Variants in STK39 observed in about 807,000 individuals in gnomAD.
The protein encoded by STK39 is serine/threonine kinase 39, also known as STE20/SPS1-related proline-alanine-rich protein kinase.
STK39 carries 20 observed loss-of-function variants against 77.8 expected under a neutral mutation model. The observed-to-expected ratio is 0.26, with a 90% CI of 0.18 to 0.37. STK39 has a LOEUF of 0.37. Among genes scored for constraint, STK39 ranks in the 10% least tolerant of loss-of-function variants. The probability of loss-of-function intolerance (pLI) is 1.00; values close to 1 mark genes in which losing one functional copy is unlikely to be tolerated. For synonymous variants in STK39, 246 were observed against 234.1 expected (o/e 1.05, Z -0.47); for missense variants, 479 against 656.5 (o/e 0.73, Z 2.95).
chr2:168,002,608 C>T (rs1195639887), intron 16 of STK39, among the ~76,000 whole-genome samples: 8 of 152,196 alleles, frequency 5.3e-5, no homozygotes, highest in African/African-American at 1.7e-4. Flanking sequence ...ATTCTTTCCT[C>T]CGCTTAATTC....
chr2:168,176,962 G>A (rs967249374), intron 2 of STK39, among the ~76,000 whole-genome samples: 5 of 151,996 alleles, frequency 3.3e-5, no homozygotes, highest in African/African-American at 9.7e-5. Flanking sequence ...ATAGCACTTG[G>A]GTAATAAAAA....
intron 14 of STK39, among the ~76,000 whole-genome samples, chr2:168,030,328 A>T (rs957435542): frequency 6.6e-6 from 1 of 152,192 alleles, no homozygotes; most frequent in Non-Finnish European, 1.5e-5. Flanking sequence ...GATGTGTGTG[A>T]TTAATCAAGT....
intron 15 of STK39, among the ~76,000 whole-genome samples, chr2:168,015,382 G>C (rs956255332): frequency 6.6e-6 from 1 of 152,230 alleles, no homozygotes; most frequent in Non-Finnish European, 1.5e-5. Flanking sequence ...AATACAGACA[G>C]CATCAATAGT....
At chr2:168,011,486 T>A (rs1245271597) in intron 16 of STK39, among the ~76,000 whole-genome samples, 1 of 152,146 alleles carries the variant, frequency 6.6e-6, no homozygotes, top group African/African-American at 2.4e-5. Flanking sequence ...CTAATCTTGA[T>A]TAGTTAGGGT....
At chr2:168,013,993 TG>T (rs1391512787) in intron 15 of STK39, among the ~76,000 whole-genome samples, 1 of 152,002 alleles carries the variant, frequency 6.6e-6, no homozygotes, top group East Asian at 1.9e-4. Flanking sequence ...AAAGATCATT[TG>T]AAACACACCT....
intron 10 of STK39, among the ~76,000 whole-genome samples, chr2:168,119,889 A>G (rs756213025): frequency 1.3e-5 from 2 of 152,212 alleles, no homozygotes; most frequent in Non-Finnish European, 2.9e-5. Flanking sequence ...TATCGACTAA[A>G]AGAAGAAACT....
intron 1 of STK39, among the ~76,000 whole-genome samples, chr2:168,193,156 A>G (rs1203259792): frequency 6.6e-6 from 1 of 152,178 alleles, no homozygotes; most frequent in African/African-American, 2.4e-5. Flanking sequence ...CATTCACTTT[A>G]ATGCCACCTC....
chr2:168,073,910 A>T (rs1399218675), intron 12 of STK39, among the ~76,000 whole-genome samples: 1 of 152,106 alleles, frequency 6.6e-6, no homozygotes, highest in Non-Finnish European at 1.5e-5. Context: ...GAGCCACCGC[A>T]CCTGGCCAAA....
intron 16 of STK39, among the ~76,000 whole-genome samples, chr2:167,988,535 G>C (rs536884748): frequency 2.6e-5 from 4 of 152,030 alleles, no homozygotes; most frequent in Non-Finnish European, 5.9e-5. Flanking sequence ...AGTTAAAGCT[G>C]TAGAAAAGCA....
At chr2:168,203,460 A>G (rs1046518126) in intron 1 of STK39, among the ~76,000 whole-genome samples, 5 of 133,724 alleles carry the variant, frequency 3.7e-5, no homozygotes, top group African/African-American at 1.6e-4. Flanking sequence ...AAGACAAAAG[A>G]AAAAAAAAAC....
At chr2:168,161,882 G>C (rs535312322) in intron 4 of STK39, 40 bp from the exon 5 acceptor site, 2 of 1,477,044 alleles carry the variant, frequency 1.4e-6, no homozygotes, top group South Asian at 2.4e-5. Flanking sequence ...GTAGGGTACA[G>C]ACTTTATAGT....
chr2:168,111,645 G>A (rs1328402572), intron 10 of STK39, among the ~76,000 whole-genome samples: 1 of 152,122 alleles, frequency 6.6e-6, no homozygotes, highest in African/African-American at 2.4e-5. Flanking sequence ...TGTATACAGC[G>A]AGGGGAAAAA....
rs1692098511 is a variant in STK39 at position 167,964,704 on chromosome 2, A to C, written c.1521T>G (p.Ile507Met). 3 of 1,611,342 alleles carry C rather than the reference A, an allele frequency of 1.9e-6. No individual in the cohort carries two copies. The highest frequency in any genetic ancestry group is 2.5e-6 in the Non-Finnish European group (3 of 1,179,044). The change falls in exon 17 of 18, where the codon ATT (isoleucine) becomes ATG (methionine). Residue 507 changes from isoleucine (I) to methionine (M), a missense_variant. Physicochemically the swap from Ile to Met is conservative, Grantham distance 10 (BLOSUM62 1). Transcript: ENST00000355999. ...VVIVAANLQK[I>M]VDDPKALKTL... ...TTTTTAAAGCTTTGGGATCATCTACAATCTTCTGTAAATTAGCAGCCACTG... is the reference window on the plus strand; with the variant it reads ...TTTTTAAAGCTTTGGGATCATCTACCATCTTCTGTAAATTAGCAGCCACTG...
At chr2:168,013,433 G>C (rs1684321397) in intron 15 of STK39, among the ~76,000 whole-genome samples, 1 of 152,228 alleles carries the variant, frequency 6.6e-6, no homozygotes, top group Non-Finnish European at 1.5e-5. Context: ...TGAAGGCTTT[G>C]TAAAGGGAAA....
chr2:168,160,325 G>A (rs974279694), intron 5 of STK39, among the ~76,000 whole-genome samples: 4 of 152,190 alleles, frequency 2.6e-5, no homozygotes, highest in African/African-American at 9.7e-5. Context: ...TAATTAATAA[G>A]TATTACCTTT....
intron 16 of STK39, among the ~76,000 whole-genome samples, chr2:167,986,760 T>C (rs1194084834): frequency 7.9e-5 from 12 of 152,190 alleles, no homozygotes; most frequent in Non-Finnish European, 7.4e-5. Context: ...GGTAGCTTCC[T>C]ACCCATGTAA....
chr2:168,009,754 C>T (rs1333927035), intron 16 of STK39, among the ~76,000 whole-genome samples: 3 of 152,142 alleles, frequency 2.0e-5, no homozygotes, highest in Admixed American at 2.0e-4. Flanking sequence ...TACTCCAACA[C>T]TCTCTAAATA....
At chr2:168,230,228 T>C (rs1690419477) in intron 1 of STK39, among the ~76,000 whole-genome samples, 3 of 152,178 alleles carry the variant, frequency 2.0e-5, no homozygotes, top group African/African-American at 4.8e-5. Context: ...AAAATCTATC[T>C]CCTTTCCCTT....
intron 1 of STK39, among the ~76,000 whole-genome samples, chr2:168,218,050 A>G (rs1690070398): frequency 6.6e-6 from 1 of 152,268 alleles, no homozygotes; most frequent in Admixed American, 6.5e-5. Context: ...GATCATATAA[A>G]CATCTTTTAA....
Sources: gnomAD v4.1 joint callset for allele counts (sites outside exome capture counted in the v4.1 genomes callset) on GRCh38, gnomAD v4.1.1 for gene constraint, MANE v1.5 for transcripts, NCBI Gene and HGNC (gene_info 2026-07-23, HGNC 2026-07-21) for gene names.